CYFIP2: variants seen among roughly 807,000 people sequenced by gnomAD.
CYFIP2 encodes the protein cytoplasmic FMR1-interacting protein 2.
Under a neutral mutation model 158.7 loss-of-function variants are expected in CYFIP2, and 29 were observed. The observed-to-expected ratio is 0.18, with a 90% CI of 0.14 to 0.25. The LOEUF is 0.25. Among genes scored for constraint, CYFIP2 ranks in the 10% least tolerant of loss-of-function variants. The pLI, the probability that CYFIP2 is intolerant of heterozygous loss-of-function variation, is 1.00. For synonymous variants in CYFIP2, 585 were observed against 617.6 expected, an observed-to-expected ratio of 0.95 and a Z score of 0.78; for missense variants, 852 against 1,639.5, an observed-to-expected ratio of 0.52 and a Z score of 8.29.
intron 3 of CYFIP2, among the ~76,000 whole-genome samples, chr5:157,293,094 C>T (rs546080408): frequency 1.1e-3 from 170 of 152,080 alleles, no homozygotes; most frequent in African/African-American, 3.7e-3. Flanking sequence ...CTTGCTCTGT[C>T]GCCCAGGCTG....
chr5:157,324,192 A>C (rs562712936), intron 16 of CYFIP2, 118 bp downstream of exon 16: 16 of 1,201,662 alleles, frequency 1.3e-5, no homozygotes, highest in Non-Finnish European at 1.7e-5. Context: ...TAAGGGGCAC[A>C]TATCACCACC....
At chr5:157,385,341 A>G (rs1380350085) in intron 28 of CYFIP2, among the ~76,000 whole-genome samples, 1 of 152,256 alleles carries the variant, frequency 6.6e-6, no homozygotes, top group Non-Finnish European at 1.5e-5. Flanking sequence ...TAAGTCTCCC[A>G]TTCCTCAAGA....
At chr5:157,339,758 A>G (rs1227228467) in intron 22 of CYFIP2, among the ~76,000 whole-genome samples, 1 of 152,206 alleles carries the variant, frequency 6.6e-6, no homozygotes, top group Non-Finnish European at 1.5e-5. Flanking sequence ...GTAATGCTGG[A>G]GTTAAGATGC....
intron 23 of CYFIP2, among the ~76,000 whole-genome samples, chr5:157,348,425 T>C (rs894983159): frequency 2.0e-5 from 3 of 151,984 alleles, no homozygotes; most frequent in Non-Finnish European, 2.9e-5. Flanking sequence ...ATTATTATTA[T>C]TTTTGAGCTG....
chr5:157,278,821 C>T (rs1044304469), intron 1 of CYFIP2, among the ~76,000 whole-genome samples: 1 of 152,234 alleles, frequency 6.6e-6, no homozygotes, highest in African/African-American at 2.4e-5. Context: ...CCCCTAAAAA[C>T]CAGACCAAAT....
At chr5:157,270,403 GAAAT>G (rs1755994131) in intron 1 of CYFIP2, among the ~76,000 whole-genome samples, 1 of 152,228 alleles carries the variant, frequency 6.6e-6, no homozygotes, top group Non-Finnish European at 1.5e-5. Flanking sequence ...GGTGGAATAA[GAAAT>G]AAACTGGGGA....
Position 157,344,629 on chromosome 5 carries a change from T to G in CYFIP2, c.2673+3472T>G, listed in dbSNP as rs549202427. Reference sequence around the variant, plus strand: ...GTTTCTCTCATGCAGTTCCCTCTACTGATTGCCCCTGATCAGAAATACAGA... The same window carrying G: ...GTTTCTCTCATGCAGTTCCCTCTACGGATTGCCCCTGATCAGAAATACAGA... On this transcript the variant is annotated intron_variant, in intron 23 of 30. Coordinates refer to ENST00000620254, the MANE Select transcript of CYFIP2 (RefSeq NM_001037333.3). 1.1e-4 allele frequency among the ~76,000 whole-genome samples: 16 copies of G among 152,342 alleles called. No homozygotes were observed. The South Asian group carries it at 3.3e-3, about 32-fold the overall frequency.
At chr5:157,367,362 G>A (rs1172966126) in intron 26 of CYFIP2, among the ~76,000 whole-genome samples, 2 of 152,080 alleles carry the variant, frequency 1.3e-5, no homozygotes, top group African/African-American at 4.8e-5. Flanking sequence ...TCCTTAGGAG[G>A]GTAAAACCTC....
intron 23 of CYFIP2, among the ~76,000 whole-genome samples, chr5:157,346,306 C>T (rs148609248): frequency 6.6e-6 from 1 of 152,098 alleles, no homozygotes; most frequent in Non-Finnish European, 1.5e-5. Flanking sequence ...TAATGCCCCC[C>T]CAAAATACAT....
At chr5:157,327,700 C>T (rs1761136223) in intron 18 of CYFIP2, among the ~76,000 whole-genome samples, 1 of 152,186 alleles carries the variant, frequency 6.6e-6, no homozygotes, top group African/African-American at 2.4e-5. Context: ...TGTTGCATCC[C>T]TCCAGGCAGG....
At chr5:157,300,974 A>G in intron 6 of CYFIP2, 78 bp downstream of exon 6, 10 of 1,311,464 alleles carry the variant, frequency 7.6e-6, no homozygotes, top group Non-Finnish European at 9.3e-6. Context: ...GAGGAAGAGA[A>G]TGGAGCCCCT....
intron 23 of CYFIP2, among the ~76,000 whole-genome samples, chr5:157,346,597 G>C (rs1283975474): frequency 1.3e-5 from 2 of 152,172 alleles, no homozygotes; most frequent in African/African-American, 4.8e-5. Flanking sequence ...CTTGGAGAGG[G>C]CATGGTTCTG....
intron 23 of CYFIP2, among the ~76,000 whole-genome samples, chr5:157,354,605 G>A (rs1306401742): frequency 6.6e-6 from 1 of 151,942 alleles, no homozygotes; most frequent in Non-Finnish European, 1.5e-5. Context: ...TTAATCTTAG[G>A]AGGAGGATTT....
intron 23 of CYFIP2, among the ~76,000 whole-genome samples, chr5:157,348,912 T>G (rs539524205): frequency 6.7e-6 from 1 of 149,470 alleles, no homozygotes; most frequent in Non-Finnish European, 1.5e-5. Context: ...ATCGCACCAC[T>G]GCACTCCAGC....
chr5:157,344,038 CT>C (rs909008525), intron 23 of CYFIP2, among the ~76,000 whole-genome samples: 1 of 152,056 alleles, frequency 6.6e-6, no homozygotes, highest in Non-Finnish European at 1.5e-5. Flanking sequence ...CTGCCCACTG[CT>C]TTTTTTAGCC....
chr5:157,372,175 A>G (rs563326983), intron 26 of CYFIP2, among the ~76,000 whole-genome samples: 1 of 152,348 alleles, frequency 6.6e-6, no homozygotes, highest in African/African-American at 2.4e-5. Context: ...TTTAAGAACA[A>G]TTGAGGAAAT....
At chr5:157,380,497 C>T (rs1271653078) in intron 26 of CYFIP2, among the ~76,000 whole-genome samples, 1 of 150,964 alleles carries the variant, frequency 6.6e-6, no homozygotes, top group Admixed American at 6.6e-5. Flanking sequence ...ATAATGTCCC[C>T]TGTTATAATT....
chr5:157,283,008 G>C (rs1352766390), intron 1 of CYFIP2, among the ~76,000 whole-genome samples: 1 of 152,296 alleles, frequency 6.6e-6, no homozygotes, highest in African/African-American at 2.4e-5. Flanking sequence ...CGTAGAGGTT[G>C]GTATGAAATA....
Position 157,333,813 on chromosome 5 carries a change from G to A in CYFIP2, c.2385+367G>A, listed in dbSNP as rs896654022. Among the ~76,000 whole-genome samples, 3 of 152,018 alleles carry A rather than the reference G, an allele frequency of 2.0e-5. No individual in the cohort carries two copies. The South Asian group carries it at 6.2e-4, about 32-fold the overall frequency. Reference sequence around the variant, plus strand: ...TGTGCAGTAGTATAAGGCCCAGAAGGGCTTTGCAGCTGGTTTACCATTCTG... The same window carrying A: ...TGTGCAGTAGTATAAGGCCCAGAAGAGCTTTGCAGCTGGTTTACCATTCTG... On this transcript the variant is annotated intron_variant, in intron 21 of 30. Transcript: ENST00000620254.
Sources: gnomAD v4.1 joint callset for allele counts (sites outside exome capture counted in the v4.1 genomes callset) on GRCh38, gnomAD v4.1.1 for gene constraint, MANE v1.5 for transcripts, NCBI Gene and HGNC (gene_info 2026-07-23, HGNC 2026-07-21) for gene names.